The following FANCC variants were observed in gnomAD, a reference collection of about 807,000 sequenced individuals.
The protein encoded by FANCC is FA complementation group C, also known as Fanconi anemia group C protein.
A neutral mutation model predicts 71.3 loss-of-function variants in FANCC; 55 were observed. The ratio of observed to expected loss-of-function variants is 0.77; its 90% confidence interval spans 0.62 to 0.97. The LOEUF (loss-of-function observed/expected upper bound fraction) is 0.97, where lower values mean the gene tolerates loss of function less well. Ranked by LOEUF, FANCC falls within the 50% of genes least tolerant of loss-of-function variation. FANCC has a pLI of 0.00. For missense variants in FANCC, 678 were observed against 670.9 expected (o/e 1.01, Z -0.12); for synonymous variants, 275 against 244.9 (o/e 1.12, Z -1.15).
chr9:95,127,935 A>G (rs1826255090), intron 8 of FANCC, among the ~76,000 whole-genome samples: 1 of 152,242 alleles, frequency 6.6e-6, no homozygotes, highest in South Asian at 2.1e-4. Flanking sequence ...TTGCAAGTTA[A>G]AATGTCCTAC....
At chr9:95,273,305 C>T (rs1832843802) in intron 1 of FANCC, among the ~76,000 whole-genome samples, 1 of 152,150 alleles carries the variant, frequency 6.6e-6, no homozygotes, top group African/African-American at 2.4e-5. Context: ...TGTCTCACAA[C>T]CCAAAGAGTC....
In FANCC at chr9:95,292,906, T is replaced by G. The variant is rs1834139760; in HGVS notation, c.-79+24620A>C. 3.2e-6 allele frequency: 5 copies of G among 1,583,400 alleles called. No homozygotes were observed. The East Asian group carries it at 6.7e-5, about 21-fold the overall frequency. ...CTTGCAGAGGACTGTGGCAAGACCT[T>G]CCGGTGCACATGCGGCTGTCCCTAC... On this transcript the variant is annotated intron_variant, in intron 1 of 14. Coordinates refer to ENST00000289081, the MANE Select transcript of FANCC (RefSeq NM_000136.3).
intron 1 of FANCC, among the ~76,000 whole-genome samples, chr9:95,299,729 C>T (rs578075546): frequency 1.3e-5 from 2 of 152,210 alleles, no homozygotes; most frequent in Admixed American, 6.5e-5. Context: ...GACATGGTGG[C>T]GCATGCCTGT....
chr9:95,285,399 A>T (rs1833630903), intron 1 of FANCC, among the ~76,000 whole-genome samples: 1 of 152,184 alleles, frequency 6.6e-6, no homozygotes, highest in African/African-American at 2.4e-5. Flanking sequence ...ATATCACAAT[A>T]AAAAAGCAAA....
intron 12 of FANCC, chr9:95,113,982 G>A (rs1278204174): frequency 6.3e-6 from 1 of 158,466 alleles, no homozygotes; most frequent in Non-Finnish European, 1.4e-5. Context: ...CAGCTACTCA[G>A]GAGTCTGAGT....
intron 1 of FANCC, among the ~76,000 whole-genome samples, chr9:95,291,963 A>ATATATAT (rs1256566464): frequency 5.3e-5 from 5 of 94,538 alleles, no homozygotes; most frequent in East Asian, 3.1e-4. Flanking sequence ...AAAAAAAAAA[A>ATATATAT]AAAAATATAT....
rs773388565 is a variant in FANCC at position 95,247,493 on chromosome 9, T to A, written c.189A>T (p.Arg63Ser). Residue 63 changes from arginine (R) to serine (S), a missense_variant, in exon 3 of 15, where the codon AGA (arginine) becomes AGT (serine). By Grantham distance (110) the Arg-to-Ser change is moderately radical. Coordinates refer to ENST00000289081, the MANE Select transcript of FANCC (RefSeq NM_000136.3). Reference sequence around the variant, plus strand: ...CCAACAGTTGACCAATTGTGGGGAATCTTTCAATGACTGTATTAGAATCCT... The same window carrying A: ...CCAACAGTTGACCAATTGTGGGGAAACTTTCAATGACTGTATTAGAATCCT... ...KEMDSNTVIE[R>S]FPTIGQLLAK... 6.2e-7 allele frequency: 1 copy of A among 1,613,510 alleles called. No homozygotes were observed. Among genetic ancestry groups the A allele is most frequent in the Non-Finnish European group, 8.5e-7 (1 of 1,179,658 alleles).
intron 1 of FANCC, among the ~76,000 whole-genome samples, chr9:95,269,419 G>C (rs1187760826): frequency 6.6e-6 from 1 of 152,264 alleles, no homozygotes; most frequent in Non-Finnish European, 1.5e-5. Flanking sequence ...AGGAGCTTAA[G>C]ATGAGCACAG....
intron 1 of FANCC, among the ~76,000 whole-genome samples, chr9:95,281,172 T>C (rs138566617): frequency 6.6e-6 from 1 of 152,196 alleles, no homozygotes; most frequent in Non-Finnish European, 1.5e-5. Flanking sequence ...GAGAAAGCTA[T>C]AGCTATCCAC....
At chr9:95,162,352 G>A (rs1040885674) in intron 6 of FANCC, among the ~76,000 whole-genome samples, 5 of 151,924 alleles carry the variant, frequency 3.3e-5, no homozygotes, top group East Asian at 1.9e-4. Context: ...TTATTCATTC[G>A]TCCGCTGATG....
In FANCC at chr9:95,126,989, C is replaced by T. The variant is rs561514018; in HGVS notation, c.844-408G>A. 2.5e-5 allele frequency: 6 copies of T among 235,348 alleles called. No homozygotes were observed. In the South Asian group the frequency reaches 2.6e-4, roughly 10 times the overall value. 14.6% of individuals were successfully genotyped at this position (235,348 alleles called of 1,614,324 possible). On this transcript the variant is annotated intron_variant, in intron 8 of 14. Coordinates refer to ENST00000289081, the MANE Select transcript of FANCC (RefSeq NM_000136.3). ...GCTAGATGTGCCTCGAGGTCAGGCC[C>T]GTGCCTGCAGCCTGTTTATTCGGTA...
chr9:95,272,277 T>C (rs1349875331), intron 1 of FANCC, among the ~76,000 whole-genome samples: 4 of 152,132 alleles, frequency 2.6e-5, no homozygotes, highest in Non-Finnish European at 4.4e-5. Context: ...AGCATCATTT[T>C]AACACATTTT....
chr9:95,171,937 A>C, intron 5 of FANCC, 100 bp downstream of exon 5: 1 of 778,650 alleles, frequency 1.3e-6, no homozygotes, highest in Non-Finnish European at 2.2e-6. Flanking sequence ...AGAAAAGTTA[A>C]ACATCTCTTC....
In FANCC at chr9:95,150,022, A is replaced by C; in HGVS notation, c.587T>G (p.Val196Gly). 1 of 1,614,150 alleles carries C rather than the reference A, an allele frequency of 6.2e-7. No individual in the cohort carries two copies. The change falls in exon 7 of 15, where the codon GTT becomes GGT. Residue 196 changes from valine to glycine, a missense_variant. Coordinates refer to ENST00000289081, the MANE Select transcript of FANCC (RefSeq NM_000136.3). ...GAGGAGAGCCTCCACCAGGGGGTCA[A>C]CATCTGTCAGGGTAATAAGTGGGAC... ...VCVPLITLTD[V>G]DPLVEALLIC...
At chr9:95,174,607 T>TTAC (rs1334496249) in intron 4 of FANCC, among the ~76,000 whole-genome samples, 2 of 152,138 alleles carry the variant, frequency 1.3e-5, no homozygotes, top group Non-Finnish European at 2.9e-5. Context: ...TGTGCTTCTT[T>TTAC]TACTACCAGG....
chr9:95,135,517 TAAAC>T lies in FANCC; in HGVS notation c.687-19_687-16del, dbSNP rs1564679080. ...AAATCTTCTTCCTTTCAGAAAGAAA[TAAAC>T]AAAATTTTAAACAGAAATGGCTCAC... On this transcript the variant is annotated splice_polypyrimidine_tract_variant and intron_variant, in intron 7 of 14. Coordinates refer to ENST00000289081, the MANE Select transcript of FANCC (RefSeq NM_000136.3). 18 of 1,612,418 alleles carry T rather than the reference TAAAC, an allele frequency of 1.1e-5. No individual in the cohort carries two copies. Among genetic ancestry groups the T allele is most frequent in the East Asian group, 4.5e-5 (2 of 44,838 alleles).
chr9:95,292,181 G>A (rs551269239), intron 1 of FANCC, among the ~76,000 whole-genome samples: 10 of 149,302 alleles, frequency 6.7e-5, no homozygotes, highest in African/African-American at 2.4e-4. Flanking sequence ...TGACAAAGGC[G>A]CCAAGAACAC....
chr9:95,130,229 CAAG>C (rs997289935), intron 8 of FANCC, among the ~76,000 whole-genome samples: 5 of 151,320 alleles, frequency 3.3e-5, no homozygotes, highest in African/African-American at 4.9e-5. Flanking sequence ...GGCCTGAGAA[CAAG>C]AAGAACAGAA....
intron 14 of FANCC, among the ~76,000 whole-genome samples, chr9:95,105,302 C>A (rs956430589): frequency 6.6e-6 from 1 of 152,174 alleles, no homozygotes; most frequent in Non-Finnish European, 1.5e-5. Flanking sequence ...CAGTCAGGCC[C>A]GGCCTGGACG....
Sources: allele counts gnomAD v4.1 joint callset (sites outside exome capture counted in the v4.1 genomes callset), GRCh38; gene constraint gnomAD v4.1.1; transcripts MANE v1.5; gene names NCBI Gene and HGNC (gene_info 2026-07-23, HGNC 2026-07-21).